AGTPBP1: variants seen among roughly 807,000 people sequenced by gnomAD.
The protein encoded by AGTPBP1 is cytosolic carboxypeptidase 1.
AGTPBP1 carries 70 observed loss-of-function variants against 143.9 expected under a neutral mutation model. The observed-to-expected ratio is 0.49, with a 90% CI of 0.40 to 0.59. The LOEUF is 0.59. Ranked by LOEUF, AGTPBP1 falls within the 20% of genes least tolerant of loss-of-function variation. AGTPBP1 has a pLI of 0.00. For synonymous variants in AGTPBP1, 463 were observed against 500.2 expected, an observed-to-expected ratio of 0.93 and a Z score of 0.99; for missense variants, 1,229 against 1,464.5, an observed-to-expected ratio of 0.84 and a Z score of 2.62.
the AGTPBP1 span, among the ~76,000 whole-genome samples, chr9:85,788,704 C>T: frequency 6.7e-6 from 1 of 149,200 alleles, no homozygotes; most frequent in Middle Eastern, 3.6e-3. Context: ...ATAGGGTATA[C>T]ATTATACATT....
chr9:85,550,219 A>AGAGAG (rs1296755774), intron 25 of AGTPBP1, among the ~76,000 whole-genome samples: 11 of 139,810 alleles, frequency 7.9e-5, no homozygotes, highest in African/African-American at 2.7e-4. Context: ...GAGAGAGAGA[A>AGAGAG]AGATATCAGG....
At chr9:85,590,502 T>C (rs1362794403) in intron 19 of AGTPBP1, among the ~76,000 whole-genome samples, 1 of 152,174 alleles carries the variant, frequency 6.6e-6, no homozygotes, top group Non-Finnish European at 1.5e-5. Context: ...AGATATTCAG[T>C]TGGTTTTCAA....
intron 14 of AGTPBP1, among the ~76,000 whole-genome samples, chr9:85,622,529 T>TA (rs1361930383): frequency 3.3e-5 from 5 of 150,718 alleles, no homozygotes; most frequent in Non-Finnish European, 7.4e-5. Context: ...CAAAGGATAC[T>TA]AAAAAAAAAG....
chr9:85,717,895 T>A (rs1201787334), intron 1 of AGTPBP1, among the ~76,000 whole-genome samples: 2 of 152,064 alleles, frequency 1.3e-5, no homozygotes, highest in African/African-American at 4.8e-5. Flanking sequence ...GTTCTCATTG[T>A]TCAACTCCCA....
At chr9:85,805,053 C>T in the AGTPBP1 span, among the ~76,000 whole-genome samples, 5 of 152,192 alleles carry the variant, frequency 3.3e-5, no homozygotes, top group Admixed American at 1.3e-4. Context: ...GAGGAGAGCC[C>T]TTCTCTTCCC....
chr9:85,655,043 G>A, intron 11 of AGTPBP1, 100 bp downstream of exon 11: 2 of 1,033,144 alleles, frequency 1.9e-6, no homozygotes, highest in Non-Finnish European at 1.3e-6. Flanking sequence ...GTTAAGTAAG[G>A]CCTTCCTTTG....
chr9:85,617,387 C>A (rs1407857915), intron 17 of AGTPBP1, among the ~76,000 whole-genome samples: 1 of 152,016 alleles, frequency 6.6e-6, no homozygotes, highest in Admixed American at 6.6e-5. Flanking sequence ...GAAAAAAATT[C>A]TTTTCTTTTA....
the AGTPBP1 span, among the ~76,000 whole-genome samples, chr9:85,780,864 C>T: frequency 1.3e-5 from 2 of 152,108 alleles, no homozygotes; most frequent in Non-Finnish European, 2.9e-5. Context: ...TGTCTGTAAT[C>T]CCAGCACTTT....
the AGTPBP1 span, among the ~76,000 whole-genome samples, chr9:85,785,361 C>G: frequency 6.6e-6 from 1 of 151,932 alleles, no homozygotes; most frequent in Non-Finnish European, 1.5e-5. Flanking sequence ...AAACTTTTGT[C>G]TTTGCAGGAC....
At chr9:85,768,546 T>C in the AGTPBP1 span, among the ~76,000 whole-genome samples, 9 of 152,316 alleles carry the variant, frequency 5.9e-5, no homozygotes, top group South Asian at 1.9e-3. Flanking sequence ...AAGGACTTAC[T>C]CTATATTGGA....
the AGTPBP1 span, among the ~76,000 whole-genome samples, chr9:85,797,114 A>C: frequency 2.7e-5 from 4 of 150,936 alleles, no homozygotes; most frequent in Non-Finnish European, 5.9e-5. Context: ...GCTTAGTTTT[A>C]TCTCTCTCTC....
chr9:85,735,379 G>C (rs1387559055), intron 1 of AGTPBP1, among the ~76,000 whole-genome samples: 1 of 152,164 alleles, frequency 6.6e-6, no homozygotes, highest in Non-Finnish European at 1.5e-5. Flanking sequence ...AATGGATTAT[G>C]GGGGAGGGGG....
intron 14 of AGTPBP1, among the ~76,000 whole-genome samples, chr9:85,629,144 TTTC>T (rs1268937092): frequency 6.6e-6 from 1 of 152,248 alleles, no homozygotes; most frequent in African/African-American, 2.4e-5. Context: ...CACCTTTTGA[TTTC>T]TTATCATGCT....
At chr9:85,632,550 A>T in intron 14 of AGTPBP1, 112 bp downstream of exon 14, 1 of 924,870 alleles carries the variant, frequency 1.1e-6, no homozygotes, top group Non-Finnish European at 1.6e-6. Flanking sequence ...AAAATACAGT[A>T]ACTTATAACT....
intron 2 of AGTPBP1, among the ~76,000 whole-genome samples, chr9:85,706,608 C>T (rs1418843490): frequency 3.9e-5 from 6 of 151,950 alleles, no homozygotes; most frequent in Non-Finnish European, 5.9e-5. Flanking sequence ...CAGTGGCTCA[C>T]GCCTGTAATC....
At chr9:85,647,521 C>G (rs1450125629) in intron 11 of AGTPBP1, among the ~76,000 whole-genome samples, 1 of 151,564 alleles carries the variant, frequency 6.6e-6, no homozygotes, top group Non-Finnish European at 1.5e-5. Context: ...CTCATGAGGT[C>G]AAAGAGCAGA....
At chr9:85,800,179 T>A in the AGTPBP1 span, among the ~76,000 whole-genome samples, 1 of 152,166 alleles carries the variant, frequency 6.6e-6, no homozygotes, top group Non-Finnish European at 1.5e-5. Context: ...GAGCTCTGAG[T>A]GAACCTCTCC....
chr9:85,725,645 T>C (rs948940147), intron 1 of AGTPBP1, among the ~76,000 whole-genome samples: 2 of 152,146 alleles, frequency 1.3e-5, no homozygotes, highest in Non-Finnish European at 2.9e-5. Flanking sequence ...CACAGTGGCT[T>C]ACACCTGTAA....
At chr9:85,658,966 C>A (rs1833696907) in intron 9 of AGTPBP1, among the ~76,000 whole-genome samples, 2 of 152,024 alleles carry the variant, frequency 1.3e-5, no homozygotes, top group South Asian at 4.1e-4. Context: ...GGAAATAAGC[C>A]TTTAGTTTAC....
Sources: gnomAD v4.1 joint callset for allele counts (sites outside exome capture counted in the v4.1 genomes callset) on GRCh38, gnomAD v4.1.1 for gene constraint, MANE v1.5 for transcripts, NCBI Gene and HGNC (gene_info 2026-07-23, HGNC 2026-07-21) for gene names.